Variants in CACNA2D2 observed in about 807,000 individuals in gnomAD.
The protein encoded by CACNA2D2 is calcium voltage-gated channel auxiliary subunit alpha2delta 2.
A neutral mutation model predicts 166.4 loss-of-function variants in CACNA2D2; 48 were observed. The observed-to-expected ratio is 0.29, with a 90% CI of 0.23 to 0.37. CACNA2D2 has a LOEUF of 0.37. Among genes scored for constraint, CACNA2D2 ranks in the 10% least tolerant of loss-of-function variants. The pLI is 1.00. For synonymous variants in CACNA2D2, 561 were observed against 573.7 expected (o/e 0.98, Z 0.32); for missense variants, 1,122 against 1,433.0 (o/e 0.78, Z 3.50).
intron 4 of CACNA2D2, among the ~76,000 whole-genome samples, chr3:50,390,228 G>C (rs1254569682): frequency 2.0e-5 from 3 of 152,174 alleles, no homozygotes; most frequent in Non-Finnish European, 4.4e-5. Flanking sequence ...CTGAGGCTGA[G>C]CCAAAAAGGA....
At chr3:50,421,169 T>C (rs1162688847) in intron 3 of CACNA2D2, among the ~76,000 whole-genome samples, 2 of 152,234 alleles carry the variant, frequency 1.3e-5, no homozygotes, top group African/African-American at 4.8e-5. Flanking sequence ...GAAATCTTTC[T>C]TCATCCCATT....
At chr3:50,486,671 T>C (rs1211407670) in intron 1 of CACNA2D2, among the ~76,000 whole-genome samples, 1 of 152,100 alleles carries the variant, frequency 6.6e-6, no homozygotes, top group Non-Finnish European at 1.5e-5. Flanking sequence ...GCCAGGAAGC[T>C]TTCCTAGGTT....
Position 50,367,923 on chromosome 3 carries a change from T to TGGGGGGGGG in CACNA2D2, c.2144-22_2144-21insCCCCCCCCC. The stretch of plus-strand genomic sequence containing the variant: ...GTTGCCTGGAACAGGAGGGGAGGGG[T>TGGGGGGGGG]GGGGGTGGGGGCATCTTCTTGCAGC... On this transcript the variant is annotated intron_variant, in intron 24 of 37. Coordinates refer to ENST00000424201, the MANE Select transcript of CACNA2D2 (RefSeq NM_006030.4). The surrounding 1 kb of genome is among the most constrained non-coding windows in gnomAD (Gnocchi z 6.5). The TGGGGGGGGG allele has an allele frequency of 4.7e-6, 1 of 214,424 alleles. No homozygotes were observed. The highest frequency in any genetic ancestry group is 9.4e-6 in the Non-Finnish European group (1 of 106,856). The allele number at this position is 214,424 out of a possible 1,614,324, so 13.3% of individuals were successfully genotyped here.
intron 1 of CACNA2D2, among the ~76,000 whole-genome samples, chr3:50,483,286 G>A (rs1698132963): frequency 6.6e-6 from 1 of 152,178 alleles, no homozygotes; most frequent in Admixed American, 6.5e-5. Context: ...AGGAACCAAG[G>A]CAGCCCAGTT....
chr3:50,374,647 G>A (rs989977231), intron 22 of CACNA2D2, 90 bp downstream of exon 22: 21 of 1,454,588 alleles, frequency 1.4e-5, no homozygotes, highest in Admixed American at 1.2e-4. Flanking sequence ...CTGCCTCGCC[G>A]GCAAGCGGCG....
intron 2 of CACNA2D2, among the ~76,000 whole-genome samples, chr3:50,443,300 C>T (rs2106927349): frequency 6.6e-6 from 1 of 152,312 alleles, no homozygotes; most frequent in Non-Finnish European, 1.5e-5. Flanking sequence ...CCTCCCCATC[C>T]AGTTGGCCCT....
chr3:50,378,107 G>T lies in CACNA2D2; in HGVS notation c.1390-10C>A, dbSNP rs1024884732. On this transcript the variant is annotated splice_polypyrimidine_tract_variant and intron_variant, in intron 14 of 37. Transcript: ENST00000424201. Reference sequence around the variant, plus strand: ...ACACATCTAGATATTCCTGGGGAGGGGGCAGTGGTGGGGGTAATGAGTGCC... The same window carrying T: ...ACACATCTAGATATTCCTGGGGAGGTGGCAGTGGTGGGGGTAATGAGTGCC... 1 of 1,611,996 alleles carries T rather than the reference G, an allele frequency of 6.2e-7. No homozygotes were observed. The highest frequency in any genetic ancestry group is 8.5e-7 in the Non-Finnish European group (1 of 1,179,096).
chr3:50,372,379 T>C (rs1704698365), intron 22 of CACNA2D2, among the ~76,000 whole-genome samples: 1 of 152,250 alleles, frequency 6.6e-6, no homozygotes, highest in East Asian at 1.9e-4. Context: ...ACCCCGGGGC[T>C]CAGCAAAGCC....
At chr3:50,373,406 TA>T (rs1226580228) in intron 22 of CACNA2D2, among the ~76,000 whole-genome samples, 1 of 147,090 alleles carries the variant, frequency 6.8e-6, no homozygotes, top group African/African-American at 2.5e-5. Context: ...CCACAGGCTC[TA>T]GAGACTCTCT....
chr3:50,405,856 C>A (rs1464906872), intron 3 of CACNA2D2, among the ~76,000 whole-genome samples: 1 of 152,204 alleles, frequency 6.6e-6, no homozygotes, highest in Non-Finnish European at 1.5e-5. Context: ...CTGTTTAAGG[C>A]CTGTTTGTAG....
rs201610016 is a variant in CACNA2D2 at position 50,381,063 on chromosome 3, C to A, written c.716G>T (p.Arg239Leu). ...CCACAGCAGTGTGGGGTCTTGTCTG[C>A]GGTTTTCCATGAACACATTCTCCAG... ...EALENVFMENRRQDPTLLWQV... is the reference protein window; with the variant it reads ...EALENVFMENLRQDPTLLWQV... Residue 239 changes from arginine to leucine, a missense_variant, in exon 7 of 38, where the codon CGC becomes CTC. Transcript: ENST00000424201. 14 of 1,613,470 alleles carry A rather than the reference C, an allele frequency of 8.7e-6. No individual in the cohort carries two copies. Among genetic ancestry groups the A allele is most frequent in the African/African-American group, 4.0e-5 (3 of 74,822 alleles).
intron 1 of CACNA2D2, among the ~76,000 whole-genome samples, chr3:50,482,174 C>A (rs1176059347): frequency 6.6e-6 from 1 of 152,206 alleles, no homozygotes; most frequent in Non-Finnish European, 1.5e-5. Context: ...CCCCAGCAGT[C>A]ACTCCAAGCT....
intron 3 of CACNA2D2, among the ~76,000 whole-genome samples, chr3:50,428,764 T>C (rs1418734975): frequency 1.3e-5 from 2 of 152,170 alleles, no homozygotes; most frequent in Admixed American, 6.5e-5. Flanking sequence ...CCAAGGTCAC[T>C]AGGTCATCAG....
intron 6 of CACNA2D2, among the ~76,000 whole-genome samples, 167 bp downstream of exon 6, chr3:50,384,029 G>T (rs1323867342): frequency 6.6e-6 from 1 of 152,236 alleles, no homozygotes; most frequent in Non-Finnish European, 1.5e-5. Context: ...AGTGCTTGAT[G>T]CCCACATGTG....
intron 1 of CACNA2D2, among the ~76,000 whole-genome samples, chr3:50,481,164 G>A (rs1310806595): frequency 6.6e-6 from 1 of 151,984 alleles, no homozygotes; most frequent in Non-Finnish European, 1.5e-5. Context: ...ACCCTCAGAG[G>A]GCACGGGTGG....
chr3:50,463,305 CT>C (rs1385188648), intron 2 of CACNA2D2, among the ~76,000 whole-genome samples: 434 of 145,372 alleles, frequency 3.0e-3, no homozygotes, highest in Middle Eastern at 7.0e-3. Flanking sequence ...CCAAATTTCT[CT>C]TTTTTTTTTT....
At chr3:50,486,468 C>T (rs1028378939) in intron 1 of CACNA2D2, among the ~76,000 whole-genome samples, 1 of 152,156 alleles carries the variant, frequency 6.6e-6, no homozygotes, top group African/African-American at 2.4e-5. Context: ...GAGTCCTCAA[C>T]ATGGCCTCCT....
chr3:50,487,942 T>A (rs1698359939), intron 1 of CACNA2D2, among the ~76,000 whole-genome samples: 1 of 152,010 alleles, frequency 6.6e-6, no homozygotes, highest in Admixed American at 6.5e-5. Context: ...TGCAGGCCTG[T>A]CCTTGGGAGC....
At position 50,365,623 on chromosome 3, in the gene CACNA2D2, C is replaced by T. The variant is rs376297552; in HGVS notation, c.2971+10G>A. The T allele has an allele frequency of 1.9e-6, 3 of 1,574,442 alleles. No homozygotes were observed. The highest frequency in any genetic ancestry group is 2.6e-6 in the Non-Finnish European group (3 of 1,159,756). ...CGGACTTGAGGAGGCGCCTCCAAAG[C>T]CCTACCTACCTGCTTGGAACCAGCT... On this transcript the variant is annotated intron_variant, in intron 34 of 37. Transcript: ENST00000424201. The surrounding 1 kb of genome is among the most constrained non-coding windows in gnomAD (Gnocchi z 4.5).
Sources: gnomAD v4.1 joint callset for allele counts (sites outside exome capture counted in the v4.1 genomes callset) on GRCh38, gnomAD v4.1.1 for gene constraint, Gnocchi (gnomAD v3.1) non-coding constraint, MANE v1.5 for transcripts, NCBI Gene and HGNC (gene_info 2026-07-23, HGNC 2026-07-21) for gene names.